Variants in C12orf42 observed in about 807,000 individuals in gnomAD.
The protein encoded by C12orf42 is chromosome 12 open reading frame 42.
In C12orf42, 25 loss-of-function variants were observed where a neutral mutation model predicts 21.6. The ratio of observed to expected loss-of-function variants is 1.16; its 90% CI spans 0.84 to 1.62. The LOEUF is 1.62. C12orf42 is among the 40% of genes most tolerant of loss of function. The pLI, the probability that C12orf42 is intolerant of heterozygous loss-of-function variation, is 0.00. For missense variants in C12orf42, 483 were observed against 459.3 expected (o/e 1.05, Z -0.47); for synonymous variants, 174 against 175.0 (o/e 0.99, Z 0.05).
chr12:103,258,738 T>A (rs544753874), intron 10 of C12orf42, among the ~76,000 whole-genome samples: 2 of 152,116 alleles, frequency 1.3e-5, no homozygotes, highest in South Asian at 4.1e-4. Flanking sequence ...GCAAATAGCA[T>A]CAAAACCTAT....
chr12:103,562,678 T>C, the C12orf42 span, among the ~76,000 whole-genome samples: 1 of 152,208 alleles, frequency 6.6e-6, no homozygotes, highest in African/African-American at 2.4e-5. Flanking sequence ...GCATTGTTTG[T>C]TTCAGGAACT....
chr12:103,075,572 AT>A, the C12orf42 span, among the ~76,000 whole-genome samples: 1 of 152,200 alleles, frequency 6.6e-6, no homozygotes, highest in African/African-American at 2.4e-5. Flanking sequence ...AATCTGTCTT[AT>A]TTCATGGCCT....
At chr12:103,178,760 A>G in the C12orf42 span, 2 of 152,194 alleles carry the variant, frequency 1.3e-5, no homozygotes, top group African/African-American at 2.4e-5. Flanking sequence ...TTCAATGTTT[A>G]TATTTTCAAG....
chr12:103,553,139 G>A, the C12orf42 span, among the ~76,000 whole-genome samples: 19 of 152,202 alleles, frequency 1.2e-4, no homozygotes, highest in South Asian at 1.9e-3. Flanking sequence ...ATTGCAGGGC[G>A]TTAAACATTT....
intron 2 of C12orf42, among the ~76,000 whole-genome samples, chr12:103,455,330 C>T (rs1296749255): frequency 1.3e-5 from 2 of 152,052 alleles, no homozygotes; most frequent in Admixed American, 6.6e-5. Context: ...AGCCATGGCT[C>T]TTGTATTCCA....
chr12:103,371,001 A>G (rs1388333172), intron 3 of C12orf42, among the ~76,000 whole-genome samples: 2 of 152,156 alleles, frequency 1.3e-5, no homozygotes, highest in African/African-American at 4.8e-5. Context: ...GATACTATCA[A>G]TTCAGATGAT....
the C12orf42 span, among the ~76,000 whole-genome samples, chr12:103,195,760 C>A: frequency 6.6e-6 from 1 of 151,952 alleles, no homozygotes; most frequent in Non-Finnish European, 1.5e-5. Context: ...TTGACAATTT[C>A]CTTTGCTGTG....
At chr12:103,536,496 A>G in the C12orf42 span, among the ~76,000 whole-genome samples, 2 of 152,196 alleles carry the variant, frequency 1.3e-5, no homozygotes, top group Non-Finnish European at 2.9e-5. Flanking sequence ...AAAAGATAAT[A>G]GTGTAGAGGA....
At chr12:103,446,434 A>G (rs565108380) in intron 2 of C12orf42, among the ~76,000 whole-genome samples, 1 of 152,070 alleles carries the variant, frequency 6.6e-6, no homozygotes, top group Non-Finnish European at 1.5e-5. Flanking sequence ...CACAGGACCT[A>G]TATAACAATA....
At chr12:103,157,355 T>C in the C12orf42 span, among the ~76,000 whole-genome samples, 1 of 152,196 alleles carries the variant, frequency 6.6e-6, no homozygotes, top group Non-Finnish European at 1.5e-5. Flanking sequence ...TCAAGTTCCT[T>C]ATAAATTCTG....
chr12:103,399,271 AG>A (rs2047787507), intron 3 of C12orf42, among the ~76,000 whole-genome samples: 1 of 151,768 alleles, frequency 6.6e-6, no homozygotes, highest in Admixed American at 6.6e-5. Flanking sequence ...GACATTTTTG[AG>A]TAGACGTAAT....
At chr12:103,091,769 A>C in the C12orf42 span, among the ~76,000 whole-genome samples, 2 of 152,210 alleles carry the variant, frequency 1.3e-5, no homozygotes, top group East Asian at 3.9e-4. Flanking sequence ...TTAAACAATA[A>C]TGGATTTCAT....
the C12orf42 span, among the ~76,000 whole-genome samples, chr12:103,204,493 T>C: frequency 6.6e-6 from 1 of 152,232 alleles, no homozygotes; most frequent in Admixed American, 6.5e-5. Context: ...TGCAGGTCTC[T>C]TTTGTTTAAA....
intron 3 of C12orf42, among the ~76,000 whole-genome samples, chr12:103,392,529 A>G (rs555631204): frequency 3.3e-5 from 5 of 152,328 alleles, no homozygotes; most frequent in African/African-American, 1.2e-4. Flanking sequence ...TTTTCAACAT[A>G]CACATCTTTT....
chr12:103,292,786 T>A (rs1420094501), intron 4 of C12orf42, among the ~76,000 whole-genome samples: 1 of 152,080 alleles, frequency 6.6e-6, no homozygotes, highest in African/African-American at 2.4e-5. Context: ...GCATATATTC[T>A]GAAATCTAAA....
At chr12:103,358,976 T>C (rs1296194706) in intron 4 of C12orf42, among the ~76,000 whole-genome samples, 2 of 152,110 alleles carry the variant, frequency 1.3e-5, no homozygotes, top group African/African-American at 2.4e-5. Flanking sequence ...AAGTTCTTCA[T>C]AGTCTGGACC....
the C12orf42 span, chr12:103,559,949 AC>A: frequency 1.6e-4 from 24 of 152,350 alleles, no homozygotes; most frequent in East Asian, 2.5e-3. Context: ...GTATGACACC[AC>A]TGCCTCAAGA....
the C12orf42 span, among the ~76,000 whole-genome samples, chr12:103,053,223 CAGAA>C: frequency 1.2e-4 from 18 of 151,862 alleles, no homozygotes; most frequent in Non-Finnish European, 2.7e-4. Flanking sequence ...AGAGACACTA[CAGAA>C]AGATTCTGTG....
At position 103,478,390 on chromosome 12, in the gene C12orf42, C is replaced by G; in HGVS notation, c.37G>C (p.Glu13Gln). The stretch of plus-strand genomic sequence containing the variant: ...AAAGGTCTGATGGTTAGCAAGAATT[C>G]TTCTTCCCTTTGTTTCATACATATC... ...TVICMKQREE[E>Q]FLLTIRPFAN... Residue 13 changes from glutamate to glutamine, a missense_variant, in exon 2 of 6, where the codon GAA (glutamate) becomes CAA (glutamine). Coordinates refer to ENST00000548883, the MANE Select transcript of C12orf42 (RefSeq NM_198521.5). 1 of 1,604,378 alleles carries G rather than the reference C, an allele frequency of 6.2e-7. No individual in the cohort carries two copies. The highest frequency in any genetic ancestry group is 8.5e-7 in the Non-Finnish European group (1 of 1,174,116).
Sources: allele counts gnomAD v4.1 joint callset (sites outside exome capture counted in the v4.1 genomes callset), GRCh38; gene constraint gnomAD v4.1.1; transcripts MANE v1.5; gene names NCBI Gene and HGNC (gene_info 2026-07-23, HGNC 2026-07-21).